The following SHANK2 variants were observed in gnomAD, a reference collection of about 807,000 sequenced individuals.
SHANK2 encodes the protein SH3 and multiple ankyrin repeat domains protein 2.
Under a neutral mutation model 133.7 loss-of-function variants are expected in SHANK2, and 43 were observed. That is an observed-to-expected ratio of 0.32 (90% CI 0.25 to 0.41). SHANK2 has a LOEUF of 0.41. Among genes scored for constraint, SHANK2 ranks in the 10% least tolerant of loss-of-function variants. The pLI is 1.00. For synonymous variants in SHANK2, 1,017 were observed against 952.8 expected (o/e 1.07, Z -1.24); for missense variants, 1,994 against 2,235.8 (o/e 0.89, Z 2.18).
chr11:70,641,562 C>T (rs1361011382), intron 17 of SHANK2, among the ~76,000 whole-genome samples: 4 of 152,142 alleles, frequency 2.6e-5, no homozygotes, highest in South Asian at 2.1e-4. Flanking sequence ...TTGCAGTCAA[C>T]GGAACAGAAG....
At chr11:70,920,977 G>A (rs376126840) in intron 10 of SHANK2, among the ~76,000 whole-genome samples, 14 of 152,042 alleles carry the variant, frequency 9.2e-5, no homozygotes, top group East Asian at 3.8e-4. Context: ...CACCAGTTTC[G>A]ACTAAAAGAA....
At chr11:71,193,237 C>T (rs1267048266) in intron 2 of SHANK2, among the ~76,000 whole-genome samples, 2 of 152,164 alleles carry the variant, frequency 1.3e-5, no homozygotes, top group Non-Finnish European at 2.9e-5. Flanking sequence ...GCTGAGAGGG[C>T]TTCTGTGGTG....
Position 70,749,454 on chromosome 11 carries a change from G to T in SHANK2, c.1777+48989C>A, listed in dbSNP as rs74556334. On this transcript the variant is annotated intron_variant, in intron 14 of 25. Transcript: ENST00000601538. Reference sequence around the variant, plus strand: ...AACAAATCATAAACATCCTCCAGAGGAATATAACACAACCCACAATCTACA... The same window carrying T: ...AACAAATCATAAACATCCTCCAGAGTAATATAACACAACCCACAATCTACA... Among the ~76,000 whole-genome samples the T allele has an allele frequency of 8.5e-3, 1,222 of 144,350 alleles. 19 individuals carry two copies. Among genetic ancestry groups the T allele is most frequent in the African/African-American group, 0.03 (1,176 of 38,990 alleles). The allele number at this position is 144,350 out of a possible 152,430, so 94.7% of individuals were successfully genotyped here.
At chr11:70,718,095 T>C (rs1253613019) in intron 14 of SHANK2, among the ~76,000 whole-genome samples, 3 of 152,114 alleles carry the variant, frequency 2.0e-5, no homozygotes, top group African/African-American at 4.8e-5. Flanking sequence ...CTAGTCTAAA[T>C]AAGTACGGGT....
At chr11:70,516,652 T>TAA (rs1554970113) in intron 17 of SHANK2, among the ~76,000 whole-genome samples, 1 of 152,200 alleles carries the variant, frequency 6.6e-6, no homozygotes, top group African/African-American at 2.4e-5. Context: ...CTGAAGAGAA[T>TAA]AAAAAGATAA....
At position 70,697,560 on chromosome 11, in the gene SHANK2, G is replaced by T. The variant is rs902963738; in HGVS notation, c.1853+1128C>A. ...ATAGTGGTGATGGTTGCCCAATATC[G>T]TAAACGTACTAACTGCCACCTTATT... On this transcript the variant is annotated intron_variant, in intron 15 of 25. Transcript: ENST00000601538. 3.9e-5 allele frequency among the ~76,000 whole-genome samples: 6 copies of T among 152,216 alleles called. No individual in the cohort carries two copies. The East Asian group carries it at 7.7e-4, about 20-fold the overall frequency.
intron 9 of SHANK2, among the ~76,000 whole-genome samples, chr11:71,061,438 C>G (rs1950984821): frequency 3.3e-5 from 5 of 152,220 alleles, no homozygotes. Context: ...AGGCTGATGA[C>G]AGGGAGTGCA....
chr11:71,146,100 G>A (rs1555106650), intron 3 of SHANK2, among the ~76,000 whole-genome samples: 1 of 152,192 alleles, frequency 6.6e-6, no homozygotes, highest in African/African-American at 2.4e-5. Context: ...TTCCCCAGGT[G>A]GACAGACGGC....
chr11:71,224,466 A>C (rs1416761812), intron 2 of SHANK2, among the ~76,000 whole-genome samples: 7 of 152,250 alleles, frequency 4.6e-5, no homozygotes, highest in Non-Finnish European at 8.8e-5. Context: ...AGCACGGTCC[A>C]GTAGCCAGAG....
chr11:71,202,775 A>T (rs578016721), intron 2 of SHANK2, among the ~76,000 whole-genome samples: 226 of 152,218 alleles, frequency 1.5e-3, no homozygotes, highest in African/African-American at 4.8e-3. Flanking sequence ...GTCTCCATCC[A>T]CCTGGCCGGC....
intron 15 of SHANK2, among the ~76,000 whole-genome samples, chr11:70,696,257 T>C (rs1363707737): frequency 6.6e-6 from 1 of 152,162 alleles, no homozygotes; most frequent in Non-Finnish European, 1.5e-5. Context: ...ATGTCCCTGG[T>C]ATTTTCTGGC....
intron 2 of SHANK2, among the ~76,000 whole-genome samples, chr11:71,147,817 C>T (rs1331828953): frequency 3.9e-5 from 6 of 152,234 alleles, no homozygotes; most frequent in African/African-American, 1.2e-4. Context: ...GCTATAATAA[C>T]CCTCTCTGCT....
intron 15 of SHANK2, among the ~76,000 whole-genome samples, chr11:70,691,236 C>T (rs1412986237): frequency 6.6e-6 from 1 of 151,962 alleles, no homozygotes; most frequent in Admixed American, 6.6e-5. Context: ...AGCCAAGGGG[C>T]CAGCCCAGGG....
chr11:70,586,005 TG>T (rs2060246366), intron 17 of SHANK2, among the ~76,000 whole-genome samples: 3 of 152,082 alleles, frequency 2.0e-5, no homozygotes, highest in South Asian at 4.2e-4. Context: ...GGGAGACAGC[TG>T]GGAAAAAGAC....
rs1192366882 is a variant in SHANK2 at position 71,057,717 on chromosome 11, A to AT, written c.1030-1160dup. ...AAGCATGTGCCACCATGCCCAGCTA[A>AT]TTTTTTTTTTTTGGAGAGCCAGGGT... On this transcript the variant is annotated intron_variant, in intron 9 of 25. Transcript: ENST00000601538. Among the ~76,000 whole-genome samples the AT allele has an allele frequency of 1.5e-3, 213 of 145,860 alleles. 1 individual carries two copies. Among genetic ancestry groups the AT allele is most frequent in the African/African-American group, 2.6e-3 (104 of 39,874 alleles).
At chr11:70,595,509 C>T (rs2060387408) in intron 17 of SHANK2, among the ~76,000 whole-genome samples, 2 of 152,214 alleles carry the variant, frequency 1.3e-5, no homozygotes, top group South Asian at 2.1e-4. Flanking sequence ...CACGCTGGCC[C>T]AGACAACCCT....
intron 1 of SHANK2, among the ~76,000 whole-genome samples, chr11:71,233,586 A>G (rs550664101): frequency 6.6e-6 from 1 of 152,346 alleles, no homozygotes; most frequent in South Asian, 2.1e-4. Flanking sequence ...ACTAAAAAAC[A>G]CGGCACTGCA....
intron 17 of SHANK2, among the ~76,000 whole-genome samples, chr11:70,607,695 C>T (rs1183257570): frequency 6.6e-6 from 1 of 152,224 alleles, no homozygotes; most frequent in African/African-American, 2.4e-5. Context: ...CCCAACTCCC[C>T]ACACCACAGG....
At chr11:71,104,325 G>A (rs915849306) in intron 6 of SHANK2, among the ~76,000 whole-genome samples, 3 of 152,132 alleles carry the variant, frequency 2.0e-5, no homozygotes, top group Non-Finnish European at 4.4e-5. Context: ...ACTGAGCTGG[G>A]CATTGGAAGG....
Sources: allele counts gnomAD v4.1 joint callset (sites outside exome capture counted in the v4.1 genomes callset), GRCh38; gene constraint gnomAD v4.1.1; transcripts MANE v1.5; gene names NCBI Gene and HGNC (gene_info 2026-07-23, HGNC 2026-07-21).